The following ADAM28 variants were observed in gnomAD, a reference collection of about 807,000 sequenced individuals.
ADAM28 encodes the protein disintegrin and metalloproteinase domain-containing protein 28.
In ADAM28, 105 loss-of-function variants were observed where a neutral mutation model predicts 101.2. The observed-to-expected ratio is 1.04, with a 90% CI of 0.89 to 1.22. The LOEUF (loss-of-function observed/expected upper bound fraction) is 1.22. Ranked by LOEUF, ADAM28 falls within the 50% of genes most tolerant of loss-of-function variation. ADAM28 has a pLI of 0.00. For synonymous variants in ADAM28, 322 were observed against 310.6 expected, an observed-to-expected ratio of 1.04 and a Z score of -0.39; for missense variants, 1,028 against 945.4, an observed-to-expected ratio of 1.09 and a Z score of -1.15.
At chr8:24,294,423 T>C (rs1807690571) in intron 1 of ADAM28, among the ~76,000 whole-genome samples, 1 of 152,170 alleles carries the variant, frequency 6.6e-6, no homozygotes. Context: ...TATGTATGCA[T>C]CTCATCTGAG....
At position 24,339,463 on chromosome 8, in the gene ADAM28, C is replaced by G; in HGVS notation, c.1568-3C>G. On this transcript the variant is annotated splice_region_variant and splice_polypyrimidine_tract_variant and intron_variant, in intron 14 of 22. Transcript: ENST00000265769. ...TTTCCCTGCTGACTGATCCTGGTCC[C>G]AGGAACTGAGGTTGCAGATAAGTCA... The G allele has an allele frequency of 6.2e-7, 1 of 1,610,916 alleles. No homozygotes were observed. The highest frequency in any genetic ancestry group is 8.5e-7 in the Non-Finnish European group (1 of 1,178,154).
At chr8:24,348,451 G>C (rs1410588594) in intron 18 of ADAM28, among the ~76,000 whole-genome samples, 2 of 152,072 alleles carry the variant, frequency 1.3e-5, no homozygotes, top group Non-Finnish European at 2.9e-5. Flanking sequence ...ATTAGGGTTT[G>C]CTGTTGGTTC....
At chr8:24,320,201 A>G in intron 6 of ADAM28, 35 bp from the exon 7 acceptor site, 3 of 1,448,884 alleles carry the variant, frequency 2.1e-6, no homozygotes, top group African/African-American at 1.4e-5. Flanking sequence ...GCAGAAAACA[A>G]TATTGTATCA....
intron 16 of ADAM28, among the ~76,000 whole-genome samples, chr8:24,342,481 A>G (rs62498245): frequency 0.11 from 17,311 of 152,156 alleles, 1,068 homozygotes; most frequent in East Asian, 0.25. Context: ...AAATTTAGCA[A>G]TGTTTATAAA....
chr8:24,340,870 C>T (rs1814681994), intron 15 of ADAM28: 1 of 152,198 alleles, frequency 6.6e-6, no homozygotes, highest in Non-Finnish European at 1.5e-5. Context: ...CTACATAAAG[C>T]AATTGACTTC....
chr8:24,352,089 C>CA, intron 21 of ADAM28, 37 bp downstream of exon 21: 1 of 1,573,758 alleles, frequency 6.4e-7, no homozygotes, highest in Non-Finnish European at 8.7e-7. Flanking sequence ...CACCCTAGTT[C>CA]AATCTCCAGG....
intron 15 of ADAM28, 70 bp downstream of exon 15, chr8:24,339,638 T>C: frequency 2.3e-6 from 3 of 1,308,692 alleles, no homozygotes; most frequent in Non-Finnish European, 3.2e-6. Context: ...CTACACATTC[T>C]GATTTATTCC....
At chr8:24,298,874 G>T (rs1315254737) in intron 1 of ADAM28, among the ~76,000 whole-genome samples, 1 of 152,066 alleles carries the variant, frequency 6.6e-6, no homozygotes, top group Non-Finnish European at 1.5e-5. Context: ...TGTTAGCTTC[G>T]AGAAAATTGA....
At chr8:24,320,356 A>G (rs775693317) in intron 7 of ADAM28, 49 bp downstream of exon 7, 5 of 1,195,816 alleles carry the variant, frequency 4.2e-6, no homozygotes, top group Admixed American at 2.0e-5. Context: ...CCACCCACAT[A>G]TATTTATTTA....
rs529692858 is a variant in ADAM28 at position 24,341,366 on chromosome 8, C to T, written c.1671-232C>T. On this transcript the variant is annotated intron_variant, in intron 15 of 22. Coordinates refer to ENST00000265769, the MANE Select transcript of ADAM28 (RefSeq NM_014265.6). ...TTCTCATGGGCCAGCACTTCGGCAA[C>T]TGGCAAAAATTAGGTGTACAGGGAT... 6 of 392,634 alleles carry T rather than the reference C, an allele frequency of 1.5e-5. No individual in the cohort carries two copies. In the South Asian group the frequency reaches 5.0e-4, roughly 33 times the overall value. 24.3% of individuals were successfully genotyped at this position (392,634 alleles called of 1,614,324 possible).
intron 10 of ADAM28, among the ~76,000 whole-genome samples, chr8:24,327,717 C>T (rs867491407): frequency 1.6e-4 from 24 of 152,160 alleles, no homozygotes; most frequent in Non-Finnish European, 1.6e-4. Context: ...GAACAGAGGC[C>T]TCAGAAATAA....
In ADAM28 at chr8:24,330,170, G is replaced by T. The variant is rs549833022; in HGVS notation, c.1103+55G>T. The T allele has an allele frequency of 1.9e-6, 3 of 1,570,800 alleles. No homozygotes were observed. The East Asian group carries it at 6.8e-5, about 36-fold the overall frequency. ...TATGTAGCCCTGGTTTTGATCCACT[G>T]TGGGCTGTACTACTTTAGGTCATCT... On this transcript the variant is annotated intron_variant, in intron 11 of 22. Transcript: ENST00000265769.
At chr8:24,345,442 AT>A (rs1414739720) in intron 18 of ADAM28, among the ~76,000 whole-genome samples, 1 of 152,088 alleles carries the variant, frequency 6.6e-6, no homozygotes, top group African/African-American at 2.4e-5. Flanking sequence ...CATAATATAC[AT>A]TTTTTAGCAA....
In ADAM28 at chr8:24,328,008, A is replaced by G. The variant is rs571103261; in HGVS notation, c.972+1373A>G. On this transcript the variant is annotated intron_variant, in intron 10 of 22. Coordinates refer to ENST00000265769, the MANE Select transcript of ADAM28 (RefSeq NM_014265.6). ...TTCATTTGTACAACAAACCCCCATG[A>G]CACAGTTTACGTAAGTAACAATCCT... Among the ~76,000 whole-genome samples, 14 of 152,186 alleles carry G rather than the reference A, an allele frequency of 9.2e-5. No homozygotes were observed. The East Asian group carries it at 2.5e-3, about 27-fold the overall frequency.
chr8:24,310,426 T>C lies in ADAM28; in HGVS notation c.306+185T>C. On this transcript the variant is annotated intron_variant, in intron 4 of 22. Transcript: ENST00000265769. ...AAATCAATTAACAAGAACAAAACAA[T>C]TTCTTGGCAACTCCGGTAAGTTTTT... The C allele has an allele frequency of 3.6e-6, 2 of 551,836 alleles. 1 individual carries two copies. The highest frequency in any genetic ancestry group is 5.2e-5 in the South Asian group (2 of 38,104). 34.2% of individuals were successfully genotyped at this position (551,836 alleles called of 1,614,324 possible).
chr8:24,327,968 AAAATT>A (rs1232577917), intron 10 of ADAM28, among the ~76,000 whole-genome samples: 2 of 152,102 alleles, frequency 1.3e-5, no homozygotes, highest in Non-Finnish European at 2.9e-5. Context: ...ATTGCAATTT[AAAATT>A]AAATTAGTTT....
intron 18 of ADAM28, among the ~76,000 whole-genome samples, chr8:24,348,278 GAAGAGA>G (rs942935966): frequency 2.7e-4 from 41 of 152,086 alleles, no homozygotes; most frequent in Admixed American, 1.4e-3. Flanking sequence ...CAGCGAAATT[GAAGAGA>G]AAGAACAGAC....
At chr8:24,336,372 A>G (rs1814054046) in intron 14 of ADAM28, among the ~76,000 whole-genome samples, 1 of 151,778 alleles carries the variant, frequency 6.6e-6, no homozygotes, top group African/African-American at 2.4e-5. Context: ...TCACGAGGTC[A>G]GGAGATCAAG....
At chr8:24,297,495 C>T (rs377399565) in intron 1 of ADAM28, among the ~76,000 whole-genome samples, 4 of 152,156 alleles carry the variant, frequency 2.6e-5, no homozygotes, top group South Asian at 4.1e-4. Flanking sequence ...TTTTATTCCA[C>T]GAAGGCAGCT....
Sources: gnomAD v4.1 joint callset for allele counts (sites outside exome capture counted in the v4.1 genomes callset) on GRCh38, gnomAD v4.1.1 for gene constraint, MANE v1.5 for transcripts, NCBI Gene and HGNC (gene_info 2026-07-23, HGNC 2026-07-21) for gene names.